INO80D: variants seen among roughly 807,000 people sequenced by gnomAD.
The protein encoded by INO80D is INO80 complex subunit D.
Under a neutral mutation model 87.6 loss-of-function variants are expected in INO80D, and 21 were observed. That is an observed-to-expected ratio of 0.24 (90% confidence interval 0.17 to 0.35). INO80D has a LOEUF of 0.35. INO80D is among the 10% of genes least tolerant of loss of function. The pLI is 1.00. For synonymous variants in INO80D, 440 were observed against 491.0 expected, an observed-to-expected ratio of 0.90 and a Z score of 1.37; for missense variants, 982 against 1,280.7, an observed-to-expected ratio of 0.77 and a Z score of 3.56.
intron 9 of INO80D, among the ~76,000 whole-genome samples, chr2:206,008,126 C>T (rs1285724925): frequency 1.3e-5 from 2 of 151,052 alleles, no homozygotes; most frequent in East Asian, 2.0e-4. Context: ...GGATTACAAG[C>T]GCCCACCACT....
chr2:206,030,936 G>A (rs890720880), intron 5 of INO80D, among the ~76,000 whole-genome samples: 2 of 152,148 alleles, frequency 1.3e-5, no homozygotes, highest in African/African-American at 4.8e-5. Context: ...ATGCTAGGAT[G>A]GAAGGAGCAG....
chr2:206,047,576 A>G (rs925554185), intron 4 of INO80D, among the ~76,000 whole-genome samples: 2 of 152,208 alleles, frequency 1.3e-5, no homozygotes, highest in African/African-American at 4.8e-5. Context: ...CATAAAATAC[A>G]AACAAGAGGG....
rs1378389167 is a variant in INO80D, at chr2:205,994,281, T to C, written c.*10087A>G. ...TTCCCTTTAAGCGGCTTTTATATTT[T>C]TGTATTTATTTTTAATGCATGGCCT... On this transcript the variant is annotated 3_prime_UTR_variant, in exon 11 of 11. Transcript: ENST00000403263. The C allele has an allele frequency of 2.6e-5, 4 of 152,202 alleles. No individual in the cohort carries two copies. The highest frequency in any genetic ancestry group is 4.4e-5 in the Non-Finnish European group (3 of 68,032). 9.4% of individuals were successfully genotyped at this position (152,202 alleles called of 1,614,324 possible). A position where few individuals can be genotyped will look rare whatever the true frequency, so the allele number is the denominator to read the frequency against.
At position 206,063,892 on chromosome 2, in the gene INO80D, A is replaced by G. The variant is rs182226913; in HGVS notation, c.-123-648T>C. The stretch of plus-strand genomic sequence containing the variant: ...AGAACCCACATCCCTTTACAATGCC[A>G]GCAGAATAAATGGTAGACCTAAAAC... On this transcript the variant is annotated intron_variant, in intron 1 of 10. Transcript: ENST00000403263. Among the ~76,000 whole-genome samples the G allele has an allele frequency of 1.4e-3, 211 of 152,326 alleles. 2 individuals are homozygous for G. The highest frequency in any genetic ancestry group is 9.6e-4 in the Non-Finnish European group (65 of 68,032).
chr2:206,053,450 G>A (rs1041026893), intron 4 of INO80D, among the ~76,000 whole-genome samples: 2 of 152,026 alleles, frequency 1.3e-5, no homozygotes, highest in African/African-American at 4.8e-5. Context: ...GTATTAATAT[G>A]GCTTGGAGTG....
chr2:206,085,348 C>T lies in INO80D; in HGVS notation c.-124+553G>A, dbSNP rs968705383. 2.0e-5 allele frequency among the ~76,000 whole-genome samples: 3 copies of T among 151,704 alleles called. No homozygotes were observed. The highest frequency in any genetic ancestry group is 4.4e-5 in the Non-Finnish European group (3 of 67,828). ...ATCTGGGGGCCGTCTGCGAGAGACCCGGGGGAAGGGGAGCCGGGCGCCCAT... is the reference window on the plus strand; with the variant it reads ...ATCTGGGGGCCGTCTGCGAGAGACCTGGGGGAAGGGGAGCCGGGCGCCCAT... On this transcript the variant is annotated intron_variant, in intron 1 of 10. Transcript: ENST00000403263. This position sits in a 1 kb window ranked among gnomAD's most constrained non-coding sequence, Gnocchi z 4.5.
intron 5 of INO80D, among the ~76,000 whole-genome samples, chr2:206,042,429 C>T (rs1228809988): frequency 6.6e-6 from 1 of 152,142 alleles, no homozygotes; most frequent in Non-Finnish European, 1.5e-5. Context: ...CGCCTGTAAT[C>T]CTAGCACTTT....
At position 206,002,596 on chromosome 2, in the gene INO80D, G is replaced by A. The variant is rs1423616139; in HGVS notation, c.*1772C>T. The A allele has an allele frequency of 4.6e-5, 7 of 152,116 alleles. No individual in the cohort carries two copies. Among genetic ancestry groups the A allele is most frequent in the African/African-American group, 7.2e-5 (3 of 41,430 alleles). The allele number at this position is 152,116 out of a possible 1,614,324, so 9.4% of individuals were successfully genotyped here. On this transcript the variant is annotated 3_prime_UTR_variant, in exon 11 of 11. Transcript: ENST00000403263. ...ATTTCCCCTCCATAACCTCAGGCAC[G>A]TGGTATCTGCATAATGCCTGCTGAT...
chr2:206,042,186 C>T (rs1472791247), intron 5 of INO80D, among the ~76,000 whole-genome samples: 1 of 151,930 alleles, frequency 6.6e-6, no homozygotes, highest in Non-Finnish European at 1.5e-5. Context: ...ATTTGTGGGA[C>T]ACAGCTACAA....
chr2:206,045,573 G>A (rs538293643), intron 5 of INO80D, among the ~76,000 whole-genome samples: 7 of 152,270 alleles, frequency 4.6e-5, no homozygotes, highest in Middle Eastern at 3.4e-3. Flanking sequence ...AAGAGGATGT[G>A]CATTCAACTT....
chr2:206,000,127 T>C lies in INO80D; in HGVS notation c.*4241A>G, dbSNP rs1364635483. On this transcript the variant is annotated 3_prime_UTR_variant, in exon 11 of 11. Transcript: ENST00000403263. ...ATTGCCTCATTAAACTGGAGAGTTC[T>C]GTTGACCATTTAGAAGACCATAATA... is the stretch of plus-strand genomic sequence containing the variant. 6.6e-6 allele frequency: 1 copy of C among 152,206 alleles called. No individual in the cohort carries two copies. The highest frequency in any genetic ancestry group is 1.9e-4 in the East Asian group (1 of 5,196). 9.4% of individuals were successfully genotyped at this position (152,206 alleles called of 1,614,324 possible).
Position 206,077,155 on chromosome 2 carries a change from T to C in INO80D, c.-124+8746A>G, listed in dbSNP as rs1357563158. ...AGCTGGGCATGGTGGTGGGCGCCTG[T>C]AGTCCCAGCTACTCAGGAGGCTGAG... On this transcript the variant is annotated intron_variant, in intron 1 of 10. Transcript: ENST00000403263. Among the ~76,000 whole-genome samples, 4 of 151,846 alleles carry C rather than the reference T, an allele frequency of 2.6e-5. No individual in the cohort carries two copies. The East Asian group carries it at 5.8e-4, about 22-fold the overall frequency.
intron 4 of INO80D, among the ~76,000 whole-genome samples, chr2:206,050,693 G>T (rs1388831379): frequency 1.3e-5 from 2 of 152,042 alleles, no homozygotes; most frequent in African/African-American, 4.8e-5. Flanking sequence ...ATTTCGCCGG[G>T]CGCGGTGGCT....
At chr2:206,065,302 C>G (rs1300373111) in intron 1 of INO80D, among the ~76,000 whole-genome samples, 1 of 152,008 alleles carries the variant, frequency 6.6e-6, no homozygotes, top group Non-Finnish European at 1.5e-5. Context: ...AACCCTGTCT[C>G]TACTAAAAAA....
At position 206,028,989 on chromosome 2, in the gene INO80D, G is replaced by A. The variant is rs920657228; in HGVS notation, c.1074-654C>T. Among the ~76,000 whole-genome samples, 6 of 151,728 alleles carry A rather than the reference G, an allele frequency of 4.0e-5. No homozygotes were observed. In the East Asian group the frequency reaches 7.8e-4, roughly 20 times the overall value. On this transcript the variant is annotated intron_variant, in intron 5 of 10. Transcript: ENST00000403263. ...TGCAAGCTCCATCTCCTGGGTTCAC[G>A]CCATTCTCCTGCCTCAGCCTCATGA...
chr2:206,024,808 T>C (rs953813592), intron 6 of INO80D, among the ~76,000 whole-genome samples: 1 of 152,166 alleles, frequency 6.6e-6, no homozygotes, highest in Non-Finnish European at 1.5e-5. Flanking sequence ...TAGCCTGGAA[T>C]GCAGTGGCAC....
At chr2:206,048,406 T>C (rs916057095) in intron 4 of INO80D, among the ~76,000 whole-genome samples, 1 of 152,024 alleles carries the variant, frequency 6.6e-6, no homozygotes. Context: ...CTAATCTTTG[T>C]ACTTTTTGTA....
intron 8 of INO80D, among the ~76,000 whole-genome samples, chr2:206,016,847 T>A (rs1688331769): frequency 6.6e-6 from 1 of 152,200 alleles, no homozygotes; most frequent in African/African-American, 2.4e-5. Context: ...TCCATCCATG[T>A]AAGATATGAC....
chr2:206,016,959 G>A (rs1272295821), intron 8 of INO80D, among the ~76,000 whole-genome samples: 1 of 152,164 alleles, frequency 6.6e-6, no homozygotes, highest in African/African-American at 2.4e-5. Context: ...CCAGTCTCAG[G>A]TATGTCTTTC....
Sources: allele counts gnomAD v4.1 joint callset (sites outside exome capture counted in the v4.1 genomes callset), GRCh38; gene constraint gnomAD v4.1.1; non-coding constraint Gnocchi (gnomAD v3.1); transcripts MANE v1.5; gene names NCBI Gene and HGNC (gene_info 2026-07-23, HGNC 2026-07-21).